NR2C1: variants seen among roughly 807,000 people sequenced by gnomAD.
NR2C1 encodes nuclear receptor subfamily 2 group C member 1.
A neutral mutation model predicts 74.8 loss-of-function variants in NR2C1; 33 were observed. That is an observed-to-expected ratio of 0.44 (90% CI 0.33 to 0.59). The LOEUF is 0.59. NR2C1 is among the 20% of genes least tolerant of loss of function. The pLI is 0.02. For missense variants in NR2C1, 568 were observed against 715.6 expected, an observed-to-expected ratio of 0.79 and a Z score of 2.35; for synonymous variants, 225 against 240.6, an observed-to-expected ratio of 0.94 and a Z score of 0.60.
intron 3 of NR2C1, among the ~76,000 whole-genome samples, chr12:95,060,569 C>T (rs755468019): frequency 2.6e-5 from 4 of 152,098 alleles, no homozygotes; most frequent in South Asian, 2.1e-4. Flanking sequence ...GCAGGAGAAT[C>T]GCTTGAACCC....
At chr12:95,025,070 T>C (rs1869191469) in intron 13 of NR2C1, 80 bp downstream of exon 13, 1 of 594,940 alleles carries the variant, frequency 1.7e-6, no homozygotes, top group Non-Finnish European at 2.8e-6. Context: ...TTAATTATTG[T>C]GAGAGTAGTA....
chr12:95,048,622 G>GTTTTTTT (rs899683567), intron 9 of NR2C1, among the ~76,000 whole-genome samples: 38 of 130,512 alleles, frequency 2.9e-4, no homozygotes, highest in African/African-American at 8.9e-4. Context: ...ATGCAGATGA[G>GTTTTTTT]TTTTTTTTTT....
At chr12:95,040,039 G>A (rs1175638749) in intron 10 of NR2C1, among the ~76,000 whole-genome samples, 2 of 151,656 alleles carry the variant, frequency 1.3e-5, no homozygotes, top group African/African-American at 4.8e-5. Context: ...CACATGATTG[G>A]AAAACAATTA....
At chr12:95,039,224 G>C (rs566727833) in intron 10 of NR2C1, among the ~76,000 whole-genome samples, 1 of 152,310 alleles carries the variant, frequency 6.6e-6, no homozygotes, top group South Asian at 2.1e-4. Flanking sequence ...GTATAATGCT[G>C]ATTAATAAAC....
chr12:95,042,083 T>C (rs1871611012), intron 9 of NR2C1, among the ~76,000 whole-genome samples: 1 of 152,114 alleles, frequency 6.6e-6, no homozygotes, highest in Non-Finnish European at 1.5e-5. Context: ...TACATATATA[T>C]GTATACCTAA....
chr12:95,048,966 T>C, intron 9 of NR2C1, 102 bp downstream of exon 9: 1 of 1,057,414 alleles, frequency 9.5e-7, no homozygotes, highest in South Asian at 1.5e-5. Flanking sequence ...CTATCAGGGA[T>C]ATTTCTGACT....
intron 9 of NR2C1, among the ~76,000 whole-genome samples, chr12:95,044,428 C>T (rs546976535): frequency 1.3e-5 from 2 of 151,686 alleles, no homozygotes; most frequent in Non-Finnish European, 2.9e-5. Flanking sequence ...CCACCACACC[C>T]GGCTAATTTT....
intron 11 of NR2C1, 29 bp from the exon 12 acceptor site, chr12:95,028,553 A>G (rs750140001): frequency 2.2e-6 from 3 of 1,391,490 alleles, no homozygotes; most frequent in South Asian, 2.5e-5. Context: ...AAATGCTTCT[A>G]GTGTTTGTCT....
chr12:95,028,457 G>A lies in NR2C1; in HGVS notation c.1461C>T (p.Asn487=). The A allele has an allele frequency of 6.2e-7, 1 of 1,600,428 alleles. No homozygotes were observed. The highest frequency in any genetic ancestry group is 1.1e-5 in the South Asian group (1 of 89,618). ...EHIFKLQEFC[N]SMVKLCIDGY... is the part of the protein sequence containing the mutation. ...CATCAATGCAGAGTTTAACCATGCT[G>A]TTACAAAACTCCTGTAGTTTGAAGA... The change falls in exon 12 of 14, where the codon AAC becomes AAT. Residue 487 remains asparagine, a synonymous_variant. Transcript: ENST00000333003.
At chr12:95,065,210 TTTACTCTTG>T (rs1466165655) in intron 2 of NR2C1, among the ~76,000 whole-genome samples, 1 of 152,060 alleles carries the variant, frequency 6.6e-6, no homozygotes, top group African/African-American at 2.4e-5. Flanking sequence ...GAGATGGAGT[TTTACTCTTG>T]TTGCCCAGGC....
intron 2 of NR2C1, among the ~76,000 whole-genome samples, chr12:95,063,471 A>T (rs1875107111): frequency 6.6e-6 from 1 of 152,136 alleles, no homozygotes; most frequent in Non-Finnish European, 1.5e-5. Context: ...GGCCAAACAA[A>T]AGTCTAGATT....
At chr12:95,060,282 C>T (rs566059384) in intron 3 of NR2C1, among the ~76,000 whole-genome samples, 1 of 152,242 alleles carries the variant, frequency 6.6e-6, no homozygotes, top group African/African-American at 2.4e-5. Flanking sequence ...GCTCGCTATA[C>T]AAAGGTATGG....
At chr12:95,071,898 G>A (rs941223823) in intron 1 of NR2C1, among the ~76,000 whole-genome samples, 10 of 151,314 alleles carry the variant, frequency 6.6e-5, no homozygotes, top group Non-Finnish European at 1.3e-4. Context: ...ACAGGTGTGC[G>A]CCACCACGCC....
intron 9 of NR2C1, among the ~76,000 whole-genome samples, chr12:95,042,900 C>A (rs1364993181): frequency 1.4e-5 from 2 of 142,402 alleles, no homozygotes; most frequent in African/African-American, 5.2e-5. Context: ...AGTTCAAGAC[C>A]GGCCTGGGCA....
chr12:95,043,278 A>G (rs1164913274), intron 9 of NR2C1, among the ~76,000 whole-genome samples: 8 of 151,352 alleles, frequency 5.3e-5, no homozygotes, highest in Non-Finnish European at 1.0e-4. Context: ...AAAATATATC[A>G]TATCTTTTCA....
rs768705806 is a variant in NR2C1 at position 95,062,667 on chromosome 12, C to T, written c.126G>A (p.Lys42=). The T allele has an allele frequency of 6.2e-6, 10 of 1,614,108 alleles. No homozygotes were observed. Among genetic ancestry groups the T allele is most frequent in the Non-Finnish European group, 6.8e-6 (8 of 1,180,026 alleles). ...CGTCGTGATTTGTCAGAATGAACTG[C>T]TTGCCTTGGGTATTATGATCAAGTG... is the stretch of plus-strand genomic sequence containing the variant. ...VTALDHNTQG[K]QFILTNHDGS... is the part of the protein sequence containing the mutation. The change falls in exon 3 of 14, where the codon AAG becomes AAA. Residue 42 remains lysine, a synonymous_variant. Coordinates refer to ENST00000333003, the MANE Select transcript of NR2C1 (RefSeq NM_003297.4).
At chr12:95,073,177 C>A (rs1011072688) in intron 1 of NR2C1, among the ~76,000 whole-genome samples, 1 of 152,240 alleles carries the variant, frequency 6.6e-6, no homozygotes, top group African/African-American at 2.4e-5. Context: ...CCCGGGGCCC[C>A]GCGCATTTGG....
At position 95,021,336 on chromosome 12, in the gene NR2C1, C is replaced by T. The variant is rs1868756419; in HGVS notation, c.*893G>A. The T allele has an allele frequency of 6.6e-6, 1 of 151,570 alleles. No individual in the cohort carries two copies. Among genetic ancestry groups the T allele is most frequent in the Non-Finnish European group, 1.5e-5 (1 of 67,910 alleles). The allele number at this position is 151,570 out of a possible 1,614,324, so 9.4% of individuals were successfully genotyped here. ...TATAGGCATGAGCCACTACACCTGG[C>T]TAGTCTCTATTATTTTCAAAGACAG... is the stretch of plus-strand genomic sequence containing the variant. On this transcript the variant is annotated 3_prime_UTR_variant, in exon 14 of 14. Transcript: ENST00000333003.
chr12:95,062,594 C>T lies in NR2C1; in HGVS notation c.199G>A (p.Gly67Arg). The T allele has an allele frequency of 6.2e-7, 1 of 1,614,006 alleles. No homozygotes were observed. Among genetic ancestry groups the T allele is most frequent in the Non-Finnish European group, 8.5e-7 (1 of 1,180,010 alleles). The change falls in exon 3 of 14, where the codon GGA (glycine) becomes AGA (arginine). Residue 67 changes from glycine (G) to arginine (R), a missense_variant. Gly to Arg is a moderately radical substitution (Grantham distance 125, BLOSUM62 -2). This residue lies in a region of NR2C1 where 128 missense variants were observed against 118.9 expected (regional missense o/e 1.08). Coordinates refer to ENST00000333003, the MANE Select transcript of NR2C1 (RefSeq NM_003297.4). Reference protein sequence around the residue: ...VILARQDSTPGKVFLTTPDAA... With the variant: ...VILARQDSTPRKVFLTTPDAA... ...TCTGGAGTTGTAAGGAAAACTTTTC[C>T]CGGAGTGGAATCTTGCCTGGCCAGA...
Sources: gnomAD v4.1 joint callset for allele counts (sites outside exome capture counted in the v4.1 genomes callset) on GRCh38, gnomAD v4.1.1 for gene constraint, gnomAD v4.1.1 regional missense constraint, MANE v1.5 for transcripts, NCBI Gene and HGNC (gene_info 2026-07-23, HGNC 2026-07-21) for gene names.